The following SEC13 variants were observed in gnomAD, a reference collection of about 807,000 sequenced individuals.
The protein encoded by SEC13 is protein SEC13 homolog.
SEC13 carries 25 observed loss-of-function variants against 49.2 expected under a neutral mutation model. The observed-to-expected ratio is 0.51, with a 90% CI of 0.37 to 0.71. The LOEUF is 0.71. Among genes scored for constraint, SEC13 ranks in the 30% least tolerant of loss-of-function variants. The pLI is 0.00. For synonymous variants in SEC13, 148 were observed against 163.9 expected (o/e 0.90, Z 0.74); for missense variants, 383 against 417.6 (o/e 0.92, Z 0.72).
At chr3:10,308,922 G>T (rs186449585) in intron 5 of SEC13, among the ~76,000 whole-genome samples, 202 of 134,442 alleles carry the variant, frequency 1.5e-3, no homozygotes, top group Non-Finnish European at 2.6e-3. Flanking sequence ...GAGCCATCAC[G>T]CCTGGCCTTG....
At chr3:10,303,327 C>A (rs577755518) in intron 8 of SEC13, among the ~76,000 whole-genome samples, 19 of 152,226 alleles carry the variant, frequency 1.2e-4, no homozygotes, top group African/African-American at 3.6e-4. Flanking sequence ...GACCCTGCGG[C>A]GTTAGAGATC....
rs1451684968 is a variant in SEC13 at position 10,315,452 on chromosome 3, A to T, written c.49-16T>A. ...GGGCGTCGTGCTGCAAAGGGAGGAC[A>T]GCTCGGGAAGCCTGCAGGCTGGGTG... On this transcript the variant is annotated splice_polypyrimidine_tract_variant and intron_variant, in intron 2 of 8. Transcript: ENST00000350697. 2 of 772,556 alleles carry T rather than the reference A, an allele frequency of 2.6e-6. No individual in the cohort carries two copies. The highest frequency in any genetic ancestry group is 5.6e-5 in the Admixed American group (2 of 35,872). 47.9% of individuals were successfully genotyped at this position (772,556 alleles called of 1,614,324 possible). A position where few individuals can be genotyped will look rare whatever the true frequency, so the allele number is the denominator to read the frequency against.
intron 5 of SEC13, among the ~76,000 whole-genome samples, chr3:10,307,717 C>T (rs754448569): frequency 6.6e-6 from 1 of 152,274 alleles, no homozygotes; most frequent in African/African-American, 2.4e-5. Context: ...CATGGGCATT[C>T]AAAATGAGAT....
At chr3:10,302,465 A>C (rs1248274418) in intron 8 of SEC13, among the ~76,000 whole-genome samples, 1 of 152,130 alleles carries the variant, frequency 6.6e-6, no homozygotes, top group African/African-American at 2.4e-5. Flanking sequence ...AAGAAGCCTA[A>C]ATGCACAGTG....
Position 10,305,656 on chromosome 3 carries a change from C to A in SEC13, c.487G>T (p.Val163Leu). Residue 163 changes from valine to leucine, a missense_variant, in exon 6 of 9, where the codon GTA becomes TTA. Coordinates refer to ENST00000350697, the MANE Select transcript of SEC13 (RefSeq NM_183352.3). ...GGGTGGTCTATGAGGCTTCCAGGTACAACAGCAGGGGCCCAGCTGACGGCA... is the reference window on the plus strand; with the variant it reads ...GGGTGGTCTATGAGGCTTCCAGGTAAAACAGCAGGGGCCCAGCTGACGGCA... ...CNAVSWAPAV[V>L]PGSLIDHPSG... The A allele has an allele frequency of 1.2e-6, 2 of 1,614,168 alleles. No individual in the cohort carries two copies. The highest frequency in any genetic ancestry group is 8.5e-7 in the Non-Finnish European group (1 of 1,180,032).
At chr3:10,316,928 G>A (rs1283526516) in intron 2 of SEC13, among the ~76,000 whole-genome samples, 2 of 151,340 alleles carry the variant, frequency 1.3e-5, no homozygotes, top group Non-Finnish European at 2.9e-5. Context: ...TTGAACCCGG[G>A]AGGCGTAGGT....
rs1700803075 is a variant in SEC13 at position 10,305,305 on chromosome 3, C to T, written c.585-149G>A. On this transcript the variant is annotated intron_variant, in intron 6 of 8. Transcript: ENST00000350697. The stretch of plus-strand genomic sequence containing the variant: ...TTTGTGGCATTTTATTCCCTTCACC[C>T]CAGCTGTAAAAAAAACCCTCCAGAA... The T allele has an allele frequency of 2.3e-5, 29 of 1,244,982 alleles. No individual in the cohort carries two copies. The South Asian group carries it at 4.7e-4, about 20-fold the overall frequency. The allele number at this position is 1,244,982 out of a possible 1,614,324, so 77.1% of individuals were successfully genotyped here.
At chr3:10,312,536 C>G (rs867951184) in intron 4 of SEC13, 43 bp downstream of exon 4, 1 of 1,604,250 alleles carries the variant, frequency 6.2e-7, no homozygotes, top group East Asian at 2.2e-5. Flanking sequence ...TCCTTTTTTA[C>G]CCAGTGGTCC....
chr3:10,316,958 G>A (rs964151587), intron 2 of SEC13, among the ~76,000 whole-genome samples: 30 of 140,470 alleles, frequency 2.1e-4, no homozygotes, highest in Admixed American at 8.7e-4. Flanking sequence ...CTGAGATCAC[G>A]CCACTGCATG....
intron 1 of SEC13, chr3:10,319,200 TTCAGAA>T: frequency 1.2e-6 from 2 of 1,613,860 alleles, no homozygotes; most frequent in Non-Finnish European, 1.7e-6. Context: ...GACTTGTGAT[TTCAGAA>T]AGGCAGACAG....
Position 10,315,412 on chromosome 3 carries a change from CATAGT to C in SEC13, c.68_72del (p.Tyr23TrpfsTer17). ...GATGAGCAGGTTGCCAGGCGGGTGC[CATAGT>C]AGTCCATCTGGGCGTCGTGCTGCAA... On this transcript the variant is annotated frameshift_variant, in exon 3 of 9. Transcript: ENST00000350697. LOFTEE classifies it high-confidence loss of function. 1 of 1,448,240 alleles carries C rather than the reference CATAGT, an allele frequency of 6.9e-7. No individual in the cohort carries two copies. 89.7% of individuals were successfully genotyped at this position (1,448,240 alleles called of 1,614,324 possible).
intron 7 of SEC13, 84 bp from the exon 8 acceptor site, chr3:10,304,256 C>T (rs780456056): frequency 8.4e-5 from 119 of 1,413,706 alleles, no homozygotes; most frequent in Non-Finnish European, 1.1e-4. Flanking sequence ...TAGAGCCACC[C>T]GGCACCTCTC....
chr3:10,312,068 T>C lies in SEC13; in HGVS notation c.347A>G (p.Tyr116Cys), dbSNP rs1345378146. ...VNSVCWAPHD[Y>C]GLILACGSSD... ...GCTCCCACAGGCCAGGATCAGGCCGTAGTCATGGGGGGCCCAGCACACCGA... is the reference window on the plus strand; with the variant it reads ...GCTCCCACAGGCCAGGATCAGGCCGCAGTCATGGGGGGCCCAGCACACCGA... The change falls in exon 5 of 9, where the codon TAC (tyrosine) becomes TGC (cysteine). Residue 116 changes from tyrosine (Y) to cysteine (C), a missense_variant. Transcript: ENST00000350697. The C allele has an allele frequency of 2.5e-6, 4 of 1,610,514 alleles. No homozygotes were observed. Among genetic ancestry groups the C allele is most frequent in the African/African-American group, 2.7e-5 (2 of 74,826 alleles).
intron 5 of SEC13, among the ~76,000 whole-genome samples, chr3:10,306,282 G>C (rs1042045498): frequency 6.6e-6 from 1 of 151,940 alleles, no homozygotes; most frequent in Non-Finnish European, 1.5e-5. Context: ...CTAGTCTCTC[G>C]GTCTGGGTTT....
chr3:10,302,605 C>T (rs1700605117), intron 8 of SEC13, among the ~76,000 whole-genome samples: 1 of 152,110 alleles, frequency 6.6e-6, no homozygotes, highest in South Asian at 2.1e-4. Context: ...GGGTTCTGGT[C>T]CTGACTCTGG....
chr3:10,312,022 C>A lies in SEC13; in HGVS notation c.393G>T (p.Leu131=), dbSNP rs775235565. 1.9e-5 allele frequency: 31 copies of A among 1,613,984 alleles called. No homozygotes were observed. The highest frequency in any genetic ancestry group is 2.5e-5 in the Non-Finnish European group (30 of 1,180,002). ...ATTGGCCTTCCCCGGTGTAAGTCAG[C>A]AGGGAGATGGCCCCATCCGAGCTCC... ...ACGSSDGAIS[L]LTYTGEGQWE... Residue 131 remains leucine (L), a synonymous_variant, in exon 5 of 9, where the codon CTG becomes CTT. Coordinates refer to ENST00000350697, the MANE Select transcript of SEC13 (RefSeq NM_183352.3).
intron 3 of SEC13, chr3:10,313,487 G>C (rs1701414440): frequency 1.9e-6 from 1 of 521,028 alleles, no homozygotes; most frequent in Non-Finnish European, 4.0e-6. Flanking sequence ...TTGGAACAAT[G>C]CTTGGTAGAA....
chr3:10,313,279 C>A, intron 3 of SEC13: 1 of 329,454 alleles, frequency 3.0e-6, no homozygotes, highest in East Asian at 6.4e-5. Flanking sequence ...TGCTCTGTGC[C>A]AGGCTTTGTA....
Position 10,304,039 on chromosome 3 carries a change from C to G in SEC13, c.842G>C (p.Gly281Ala). 6.2e-7 allele frequency: 1 copy of G among 1,614,114 alleles called. No individual in the cohort carries two copies. The change falls in exon 8 of 9, where the codon GGT becomes GCT. Residue 281 changes from glycine (G) to alanine (A), a missense_variant. By Grantham distance (60) the Gly-to-Ala change is moderately conservative. Transcript: ENST00000350697. ...ATGGGTATGTACCTTATTGTCTCCA[C>G]CAGAGACAGCCAGGATGTTGGCTGT... Reference protein sequence around the residue: ...SITANILAVSGGDNKVTLWKE... With the variant: ...SITANILAVSAGDNKVTLWKE...
Sources: gnomAD v4.1 joint callset for allele counts (sites outside exome capture counted in the v4.1 genomes callset) on GRCh38, gnomAD v4.1.1 for gene constraint, MANE v1.5 for transcripts, NCBI Gene and HGNC (gene_info 2026-07-23, HGNC 2026-07-21) for gene names.